HSPG2: variants seen among roughly 807,000 people sequenced by gnomAD.
HSPG2 encodes the protein basement membrane-specific heparan sulfate proteoglycan core protein.
A neutral mutation model predicts 526.6 loss-of-function variants in HSPG2; 278 were observed. That is an observed-to-expected ratio of 0.53 (90% CI 0.48 to 0.58). The LOEUF (loss-of-function observed/expected upper bound fraction) is 0.58, where lower values mean the gene tolerates loss of function less well. Among genes scored for constraint, HSPG2 ranks in the 20% least tolerant of loss-of-function variants. The pLI, the probability that HSPG2 is intolerant of heterozygous loss-of-function variation, is 0.00. For synonymous variants in HSPG2, 2,465 were observed against 2,555.4 expected (o/e 0.96, Z 1.07); for missense variants, 5,354 against 6,099.5 (o/e 0.88, Z 4.07).
rs113946932 is a variant in HSPG2 at position 21,822,573 on chromosome 1, G to A, written c.*743C>T. On this transcript the variant is annotated 3_prime_UTR_variant, in exon 97 of 97. Coordinates refer to ENST00000374695, the MANE Select transcript of HSPG2 (RefSeq NM_005529.7). ...ATGTGGCCTGGGGTGGGCGGGGCCC[G>A]GTGGGCGGGGCCCTATCAGTGCTGG... is the stretch of plus-strand genomic sequence containing the variant. 13 of 320,112 alleles carry A rather than the reference G, an allele frequency of 4.1e-5. No homozygotes were observed. Among genetic ancestry groups the A allele is most frequent in the African/African-American group, 1.1e-4 (5 of 46,476 alleles). The allele number at this position is 320,112 out of a possible 1,614,324, so 19.8% of individuals were successfully genotyped here. A position where few individuals can be genotyped will look rare whatever the true frequency, so the allele number is the denominator to read the frequency against.
intron 1 of HSPG2, among the ~76,000 whole-genome samples, chr1:21,906,328 A>C (rs1286834846): frequency 6.6e-6 from 1 of 152,228 alleles, no homozygotes; most frequent in Non-Finnish European, 1.5e-5. Flanking sequence ...ACACAGCCAG[A>C]CAGCCAGGCC....
At chr1:21,851,480 C>A (rs1411407135) in intron 55 of HSPG2, 66 bp downstream of exon 55, 8 of 1,609,744 alleles carry the variant, frequency 5.0e-6, no homozygotes, top group South Asian at 2.2e-5. Flanking sequence ...TAGCCCTCCC[C>A]CAATAACCTC....
At chr1:21,901,084 A>G (rs1039902323) in intron 1 of HSPG2, among the ~76,000 whole-genome samples, 3 of 152,070 alleles carry the variant, frequency 2.0e-5, no homozygotes, top group African/African-American at 7.2e-5. Context: ...GCTCTATGTC[A>G]CCTTCTCAAA....
At chr1:21,826,613 G>A (rs761576152) in intron 91 of HSPG2, among the ~76,000 whole-genome samples, 2 of 151,896 alleles carry the variant, frequency 1.3e-5, no homozygotes, top group Non-Finnish European at 1.5e-5. Flanking sequence ...AGGTTCAAGC[G>A]ATTCTCCTGC....
intron 37 of HSPG2, among the ~76,000 whole-genome samples, chr1:21,863,702 C>CAA (rs35149912): frequency 1.4e-4 from 17 of 122,268 alleles, no homozygotes; most frequent in Admixed American, 4.8e-4. Context: ...GACCCTGTCT[C>CAA]AAAAAAAAAA....
At chr1:21,836,693 C>T (rs2098027454) in intron 75 of HSPG2, 109 bp downstream of exon 75, 3 of 933,758 alleles carry the variant, frequency 3.2e-6, no homozygotes, top group Non-Finnish European at 5.0e-6. Flanking sequence ...GTGATGTGTC[C>T]AAGGACAGTG....
Position 21,823,626 on chromosome 1 carries a change from G to A in HSPG2, c.12993C>T (p.Ser4331=), listed in dbSNP as rs199592703. ...GPNVAVNAKG[S]VYIGGAPDVA... ...GAGCCCCAGACTTACCGATGTAGAC[G>A]CTGCCCTTGGCGTTGACTGCCACGT... is the stretch of plus-strand genomic sequence containing the variant. Residue 4331 remains serine, a synonymous_variant, in exon 96 of 97, where the codon AGC becomes AGT. Coordinates refer to ENST00000374695, the MANE Select transcript of HSPG2 (RefSeq NM_005529.7). The A allele has an allele frequency of 6.7e-5, 108 of 1,613,444 alleles. No homozygotes were observed. Among genetic ancestry groups the A allele is most frequent in the Middle Eastern group, 1.6e-4 (1 of 6,084 alleles).
chr1:21,861,822 G>A lies in HSPG2; in HGVS notation c.4890C>T (p.Ser1630=), dbSNP rs778527951. The A allele has an allele frequency of 6.2e-6, 10 of 1,613,714 alleles. No homozygotes were observed. Among genetic ancestry groups the A allele is most frequent in the Non-Finnish European group, 8.5e-6 (10 of 1,180,018 alleles). Residue 1630 remains serine (S), a synonymous_variant, in exon 39 of 97, where the codon AGC becomes AGT. Coordinates refer to ENST00000374695, the MANE Select transcript of HSPG2 (RefSeq NM_005529.7). ...PENMFSRTCE[S]LGAGGYRCTA... is the part of the protein sequence containing the mutation. ...TGCAGCGGTACCCGCCGGCTCCCAG[G>A]CTCTCACAGGTGCGGGAAAACCTGG...
rs1479269393 is a variant in HSPG2 at position 21,885,329 on chromosome 1, A to T, written c.1201T>A (p.Phe401Ile). Residue 401 changes from phenylalanine (F) to isoleucine (I), a missense_variant, in exon 10 of 97, where the codon TTT (phenylalanine) becomes ATT (isoleucine). Transcript: ENST00000374695. ...ESDCPDRSDE[F>I]GCMPPQVVTP... ...CCAGCTCCCTGCTCACTGCAGCCAA[A>T]CTCGTCGCTCCGGTCAGGACAGTCG... 1.2e-6 allele frequency: 2 copies of T among 1,613,780 alleles called. No homozygotes were observed. Among genetic ancestry groups the T allele is most frequent in the South Asian group, 1.1e-5 (1 of 91,056 alleles).
At chr1:21,936,426 C>T (rs547495007) in intron 1 of HSPG2, among the ~76,000 whole-genome samples, 9 of 152,210 alleles carry the variant, frequency 5.9e-5, no homozygotes, top group Non-Finnish European at 1.3e-4. Flanking sequence ...ACTGCATCCC[C>T]GCACCACGCA....
In HSPG2 at chr1:21,890,222, G is replaced by A. The variant is rs1174721301; in HGVS notation, c.414-81C>T. On this transcript the variant is annotated intron_variant, in intron 5 of 96. Transcript: ENST00000374695. This position sits in a 1 kb window ranked among gnomAD's most constrained non-coding sequence, Gnocchi z 4.1. ...TCCTCCATGAGGCTCCCGCCCCGAC[G>A]CTCAGGCCCTGTTCCGGGACAGCCT... 7.1e-6 allele frequency: 11 copies of A among 1,541,400 alleles called. No homozygotes were observed. The highest frequency in any genetic ancestry group is 3.3e-5 in the South Asian group (3 of 89,696).
At chr1:21,876,774 T>C (rs1220485269) in intron 21 of HSPG2, 122 bp from the exon 22 acceptor site, 2 of 1,311,248 alleles carry the variant, frequency 1.5e-6, no homozygotes, top group East Asian at 2.5e-5. Context: ...AAAGAGCACA[T>C]GTGGCTGGGC....
At chr1:21,913,923 C>T (rs1467480430) in intron 1 of HSPG2, among the ~76,000 whole-genome samples, 1 of 152,220 alleles carries the variant, frequency 6.6e-6, no homozygotes, top group Admixed American at 6.5e-5. Context: ...TAAGGCACTG[C>T]AGTGCCTTCC....
intron 65 of HSPG2, 38 bp downstream of exon 65, chr1:21,844,110 G>A (rs1187299992): frequency 1.2e-6 from 2 of 1,609,912 alleles, no homozygotes; most frequent in Non-Finnish European, 1.7e-6. Context: ...ACCACTGCAG[G>A]TGTGGAGGAT....
At chr1:21,932,306 C>T (rs1644370038) in intron 1 of HSPG2, among the ~76,000 whole-genome samples, 1 of 152,184 alleles carries the variant, frequency 6.6e-6, no homozygotes, top group Non-Finnish European at 1.5e-5. Flanking sequence ...AGGAGAGCTT[C>T]GTCTGGATTC....
At chr1:21,888,594 C>G (rs1166701803) in intron 6 of HSPG2, 1 of 1,158,152 alleles carries the variant, frequency 8.6e-7, no homozygotes, top group East Asian at 5.1e-5. Context: ...GCGTGAGCCC[C>G]TGCACCCGGC....
chr1:21,854,050 C>T lies in HSPG2; in HGVS notation c.6439+143G>A, dbSNP rs1639133144. 4.4e-6 allele frequency: 4 copies of T among 914,484 alleles called. No homozygotes were observed. The Admixed American group carries it at 8.7e-5, about 20-fold the overall frequency. 56.6% of individuals were successfully genotyped at this position (914,484 alleles called of 1,614,324 possible). ...TTAACCTCCCTCCCGTCCACTCAAC[C>T]TCCTTCTCTCTCTGAGCAGGCGCTG... On this transcript the variant is annotated intron_variant, in intron 50 of 96. Transcript: ENST00000374695.
In HSPG2 at chr1:21,881,400, G is replaced by A; in HGVS notation, c.1757C>T (p.Ser586Phe). 4 of 1,614,190 alleles carry A rather than the reference G, an allele frequency of 2.5e-6. No homozygotes were observed. Among genetic ancestry groups the A allele is most frequent in the Non-Finnish European group, 3.4e-6 (4 of 1,180,044 alleles). ...GGAGTCGTGGACGAGGAAGCGGCGGGACAGGTCGACTAGCTGGAACTCGTG... is the reference window on the plus strand; with the variant it reads ...GGAGTCGTGGACGAGGAAGCGGCGGAACAGGTCGACTAGCTGGAACTCGTG... ...SLHEFQLVDL[S>F]RRFLVHDSFW... Residue 586 changes from serine (S) to phenylalanine (F), a missense_variant, in exon 14 of 97, where the codon TCC becomes TTC. By Grantham distance (155) the Ser-to-Phe change is radical. Coordinates refer to ENST00000374695, the MANE Select transcript of HSPG2 (RefSeq NM_005529.7).
rs572469761 is a variant in HSPG2, at chr1:21,833,656, G to A, written c.10831-42C>T. The A allele has an allele frequency of 3.0e-5, 48 of 1,612,478 alleles. No individual in the cohort carries two copies. In the South Asian group the frequency reaches 4.9e-4, roughly 17 times the overall value. On this transcript the variant is annotated intron_variant, in intron 78 of 96. Coordinates refer to ENST00000374695, the MANE Select transcript of HSPG2 (RefSeq NM_005529.7). The stretch of plus-strand genomic sequence containing the variant: ...ACTGAGGGCCCTGGCCTTGGCCCAC[G>A]GCTCCAGGGGCCCACCTCCCATCTG...
Sources: gnomAD v4.1 joint callset for allele counts (sites outside exome capture counted in the v4.1 genomes callset) on GRCh38, gnomAD v4.1.1 for gene constraint, Gnocchi (gnomAD v3.1) non-coding constraint, MANE v1.5 for transcripts, NCBI Gene and HGNC (gene_info 2026-07-23, HGNC 2026-07-21) for gene names.